CYP2J2: variants seen among roughly 807,000 people sequenced by gnomAD.
The protein encoded by CYP2J2 is cytochrome P450 2J2.
In CYP2J2, 41 loss-of-function variants were observed where a neutral mutation model predicts 48.8. The ratio of observed to expected loss-of-function variants is 0.84; its 90% confidence interval spans 0.66 to 1.09. The LOEUF is 1.09. Among genes scored for constraint, CYP2J2 ranks in the 50% least tolerant of loss-of-function variants. The pLI, the probability that CYP2J2 is intolerant of heterozygous loss-of-function variation, is 0.00. For missense variants in CYP2J2, 644 were observed against 617.3 expected (o/e 1.04, Z -0.46); for synonymous variants, 221 against 227.1 (o/e 0.97, Z 0.24).
the CYP2J2 span, among the ~76,000 whole-genome samples, chr1:59,962,369 G>A: frequency 2.0e-5 from 3 of 152,278 alleles, no homozygotes; most frequent in East Asian, 5.8e-4. Context: ...CATGTAGCCA[G>A]CCTGAGAAGA....
chr1:59,904,881 TG>T lies in CYP2J2; in HGVS notation c.1180del (p.His394ThrfsTer7). 6.2e-7 allele frequency: 1 copy of T among 1,613,462 alleles called. No homozygotes were observed. Among genetic ancestry groups the T allele is most frequent in the Non-Finnish European group, 8.5e-7 (1 of 1,179,806 alleles). ...VTVDTTLAGY[H>X]LPKGTMILTN... ...GATCTGCTTAATTACCTTGGGCAGG[TG>T]GTACCCAGCCAAAGTGGTATCAACT... On this transcript the variant is annotated frameshift_variant, in exon 7 of 9. Transcript: ENST00000371204. LOFTEE classifies it high-confidence loss of function.
intron 1 of CYP2J2, among the ~76,000 whole-genome samples, chr1:59,922,467 C>T (rs1004190975): frequency 2.0e-5 from 3 of 152,096 alleles, no homozygotes; most frequent in Admixed American, 6.5e-5. Context: ...ATTTGTTTTA[C>T]ACCCAGAAAC....
chr1:59,955,591 C>T, the CYP2J2 span, among the ~76,000 whole-genome samples: 8 of 152,006 alleles, frequency 5.3e-5, no homozygotes, highest in Non-Finnish European at 1.5e-5. Context: ...CTGGGCAACA[C>T]TAAGACCAGG....
upstream of CYP2J2, chr1:59,926,940 T>C (rs1644572081): frequency 9.9e-6 from 6 of 607,170 alleles, no homozygotes; most frequent in Middle Eastern, 4.4e-4. Flanking sequence ...CTAGGAGCAG[T>C]TTCTTTTCTA....
chr1:59,927,690 A>G (rs577813491), upstream of CYP2J2, among the ~76,000 whole-genome samples: 1 of 152,290 alleles, frequency 6.6e-6, no homozygotes, highest in South Asian at 2.1e-4. Context: ...CTTCTGCTTC[A>G]GCCTCCCATG....
At chr1:59,911,556 T>C in intron 4 of CYP2J2, 52 bp downstream of exon 4, 1 of 1,335,010 alleles carries the variant, frequency 7.5e-7, no homozygotes, top group South Asian at 1.9e-5. Flanking sequence ...CATCTGTGGC[T>C]GACATCGGCC....
the CYP2J2 span, among the ~76,000 whole-genome samples, chr1:59,953,167 C>T: frequency 1.3e-5 from 2 of 152,122 alleles, 1 homozygote; most frequent in East Asian, 3.9e-4. Flanking sequence ...CGGGTGGCTG[C>T]CCTTTGTGTC....
intron 1 of CYP2J2, among the ~76,000 whole-genome samples, chr1:59,919,172 A>T (rs894580250): frequency 3.3e-5 from 5 of 152,140 alleles, no homozygotes; most frequent in Non-Finnish European, 7.4e-5. Context: ...AGATCCTAAG[A>T]GGCACAAAAA....
the CYP2J2 span, among the ~76,000 whole-genome samples, chr1:59,954,589 G>GGT: frequency 1.6e-4 from 15 of 93,830 alleles, no homozygotes; most frequent in African/African-American, 1.0e-3. Context: ...TTGGTGGGTC[G>GGT]GGGGGGGATG....
the CYP2J2 span, among the ~76,000 whole-genome samples, chr1:59,941,328 G>A: frequency 1.3e-5 from 2 of 152,062 alleles, no homozygotes; most frequent in Non-Finnish European, 2.9e-5. Flanking sequence ...TGTAGCTATT[G>A]TAATGGCATA....
Position 59,907,859 on chromosome 1 carries a change from AAAG to A in CYP2J2, c.927_929del (p.Phe310del). The A allele has an allele frequency of 1.2e-6, 2 of 1,614,146 alleles. No individual in the cohort carries two copies. The highest frequency in any genetic ancestry group is 1.7e-6 in the Non-Finnish European group (2 of 1,179,992). On this transcript the variant is annotated inframe_deletion, in exon 6 of 9. Coordinates refer to ENST00000371204, the MANE Select transcript of CYP2J2 (RefSeq NM_000775.4). Reference sequence around the variant, plus strand: ...TTGTGGAAGTTGTCTCGGTTCCGGCAAAGAAGAGGTCCAGGGTGCTGCAGATGA... The same window carrying A: ...TTGTGGAAGTTGTCTCGGTTCCGGCAAAGAGGTCCAGGGTGCTGCAGATGA...
chr1:59,928,650 C>T (rs902282172), upstream of CYP2J2, among the ~76,000 whole-genome samples: 14 of 152,186 alleles, frequency 9.2e-5, no homozygotes, highest in Admixed American at 5.2e-4. Context: ...CCTCCTCCAT[C>T]CAGCCCTGAC....
intron 1 of CYP2J2, among the ~76,000 whole-genome samples, chr1:59,921,308 T>C (rs1387717458): frequency 6.6e-6 from 1 of 152,192 alleles, no homozygotes; most frequent in Non-Finnish European, 1.5e-5. Context: ...CTCCTGATTA[T>C]TGTAAATGCA....
rs1644376830 is a variant in CYP2J2, at chr1:59,907,769, C to T, written c.1003+17G>A. ...ACTATTCTGTCCTGGTTCAGGCTTA[C>T]TCACTGACATGCTCACCTTGGATTT... On this transcript the variant is annotated intron_variant, in intron 6 of 8. Transcript: ENST00000371204. 3.7e-6 allele frequency: 6 copies of T among 1,613,742 alleles called. No homozygotes were observed. Among genetic ancestry groups the T allele is most frequent in the Non-Finnish European group, 5.1e-6 (6 of 1,179,748 alleles).
At chr1:59,959,662 T>C in the CYP2J2 span, among the ~76,000 whole-genome samples, 2 of 152,078 alleles carry the variant, frequency 1.3e-5, no homozygotes, top group Non-Finnish European at 2.9e-5. Flanking sequence ...TATATGCACA[T>C]ATACATATAT....
intron 2 of CYP2J2, chr1:59,913,095 C>G (rs1411204273): frequency 6.6e-6 from 1 of 152,176 alleles, no homozygotes; most frequent in Non-Finnish European, 1.5e-5. Flanking sequence ...CTTTTGACCT[C>G]GTCTTACTTG....
chr1:59,912,393 A>G (rs1644426028), intron 2 of CYP2J2, 82 bp from the exon 3 acceptor site: 3 of 1,450,802 alleles, frequency 2.1e-6, no homozygotes, highest in Admixed American at 2.0e-5. Flanking sequence ...TGTGTATCAG[A>G]TGAAGGACAG....
At chr1:59,944,815 A>G in the CYP2J2 span, among the ~76,000 whole-genome samples, 1 of 152,076 alleles carries the variant, frequency 6.6e-6, no homozygotes, top group African/African-American at 2.4e-5. Flanking sequence ...CATTATTTTA[A>G]TTGCATTATT....
At chr1:59,963,445 C>T in the CYP2J2 span, among the ~76,000 whole-genome samples, 20 of 152,280 alleles carry the variant, frequency 1.3e-4, no homozygotes, top group East Asian at 5.8e-4. Context: ...AAGAATCATA[C>T]ATTTGTCATT....
Sources: allele counts gnomAD v4.1 joint callset (sites outside exome capture counted in the v4.1 genomes callset), GRCh38; gene constraint gnomAD v4.1.1; transcripts MANE v1.5; gene names NCBI Gene and HGNC (gene_info 2026-07-23, HGNC 2026-07-21).